Variants in DIPK1A observed in about 807,000 individuals in gnomAD.
DIPK1A encodes family with sequence similarity 69 member A.
Under a neutral mutation model 40.8 loss-of-function variants are expected in DIPK1A, and 27 were observed. The observed-to-expected ratio is 0.66, with a 90% CI of 0.49 to 0.91. The LOEUF (loss-of-function observed/expected upper bound fraction) is 0.91, where lower values mean the gene tolerates loss of function less well. DIPK1A is among the 40% of genes least tolerant of loss of function. DIPK1A has a pLI of 0.00. For synonymous variants in DIPK1A, 166 were observed against 171.3 expected (o/e 0.97, Z 0.24); for missense variants, 412 against 505.7 (o/e 0.81, Z 1.78).
intron 1 of DIPK1A, among the ~76,000 whole-genome samples, chr1:92,959,903 C>CATTT: frequency 2.1e-5 from 1 of 47,876 alleles, no homozygotes; most frequent in African/African-American, 1.1e-4. Context: ...ACCCAACCAA[C>CATTT]TTTTTTTTTT....
At chr1:92,850,239 G>T (rs1055743879) in intron 3 of DIPK1A, among the ~76,000 whole-genome samples, 5 of 152,084 alleles carry the variant, frequency 3.3e-5, no homozygotes, top group African/African-American at 1.2e-4. Context: ...CAAAGTGTTG[G>T]GATTACATGC....
Position 92,877,497 on chromosome 1 carries a change from C to T in DIPK1A, c.55-1067G>A, listed in dbSNP as rs147086498. ...AAGAGATGAGAGAGACATAAGCACACCTGCAGAAGACAATGAGTGCAAAGG... is the reference window on the plus strand; with the variant it reads ...AAGAGATGAGAGAGACATAAGCACATCTGCAGAAGACAATGAGTGCAAAGG... On this transcript the variant is annotated intron_variant, in intron 1 of 4. Coordinates refer to ENST00000370310, the MANE Select transcript of DIPK1A (RefSeq NM_001006605.5). Among the ~76,000 whole-genome samples the T allele has an allele frequency of 2.1e-3, 322 of 152,250 alleles. 3 individuals carry two copies. The highest frequency in any genetic ancestry group is 3.4e-3 in the Middle Eastern group (1 of 294).
chr1:92,880,795 G>A (rs145603701), intron 1 of DIPK1A, among the ~76,000 whole-genome samples: 190 of 152,164 alleles, frequency 1.2e-3, no homozygotes, highest in Middle Eastern at 6.8e-3. Flanking sequence ...GCTTGAACTC[G>A]GGAGGCAGAG....
At chr1:92,892,723 A>C (rs2100805142) in intron 1 of DIPK1A, among the ~76,000 whole-genome samples, 1 of 152,230 alleles carries the variant, frequency 6.6e-6, no homozygotes, top group South Asian at 2.1e-4. Flanking sequence ...AGGAAGTTCG[A>C]ACCCATGGCA....
At chr1:92,859,071 C>T (rs1378498886) in intron 2 of DIPK1A, among the ~76,000 whole-genome samples, 1 of 152,104 alleles carries the variant, frequency 6.6e-6, no homozygotes, top group Non-Finnish European at 1.5e-5. Flanking sequence ...TTGACGAAAC[C>T]CACCCGAGTT....
At chr1:92,951,048 T>C (rs1295677492) in intron 1 of DIPK1A, among the ~76,000 whole-genome samples, 2 of 152,206 alleles carry the variant, frequency 1.3e-5, no homozygotes, top group Non-Finnish European at 2.9e-5. Context: ...CTAATCCAAG[T>C]ACTGCTGTGA....
chr1:92,841,885 T>C (rs747781113), downstream of DIPK1A: 3 of 1,566,368 alleles, frequency 1.9e-6, no homozygotes, highest in East Asian at 6.7e-5. Context: ...TTTTCTATGA[T>C]TTTTTCAGAT....
chr1:92,953,362 A>G (rs772672984), intron 1 of DIPK1A, among the ~76,000 whole-genome samples: 9 of 152,220 alleles, frequency 5.9e-5, no homozygotes, highest in Non-Finnish European at 1.2e-4. Flanking sequence ...GTTGCTAAAA[A>G]AATTAAAAAT....
chr1:92,853,659 C>T (rs1339838946), intron 2 of DIPK1A, among the ~76,000 whole-genome samples: 2 of 152,210 alleles, frequency 1.3e-5, no homozygotes, highest in African/African-American at 4.8e-5. Flanking sequence ...AGTGCTCAGT[C>T]ATAGCTATTA....
chr1:92,840,728 C>G, downstream of DIPK1A: 1 of 920,726 alleles, frequency 1.1e-6, no homozygotes, highest in Non-Finnish European at 1.8e-6. Context: ...TGTGCAAACT[C>G]GATCACTAGC....
At chr1:92,937,317 GC>G (rs892865202) in intron 1 of DIPK1A, among the ~76,000 whole-genome samples, 2 of 151,786 alleles carry the variant, frequency 1.3e-5, no homozygotes, top group Non-Finnish European at 1.5e-5. Flanking sequence ...AAAAAAAATA[GC>G]CGGGCATGGT....
At chr1:92,835,939 C>T (rs1687106402) in intron 4 of DIPK1A, among the ~76,000 whole-genome samples, 1 of 151,860 alleles carries the variant, frequency 6.6e-6, no homozygotes, top group South Asian at 2.1e-4. Flanking sequence ...CTGCATAAGT[C>T]AAGTGTGGAC....
intron 1 of DIPK1A, among the ~76,000 whole-genome samples, chr1:92,940,700 A>G (rs960928372): frequency 4.6e-5 from 7 of 152,230 alleles, no homozygotes; most frequent in African/African-American, 4.8e-5. Flanking sequence ...ATTTTTCACC[A>G]TAAGTTTAAA....
chr1:92,908,578 G>A (rs1649714263), intron 1 of DIPK1A, among the ~76,000 whole-genome samples: 1 of 152,166 alleles, frequency 6.6e-6, no homozygotes, highest in Non-Finnish European at 1.5e-5. Flanking sequence ...TGAAGAGTAG[G>A]AGGTGTGATA....
chr1:92,877,596 T>C (rs1392438709), intron 1 of DIPK1A, among the ~76,000 whole-genome samples: 1 of 152,234 alleles, frequency 6.6e-6, no homozygotes, highest in African/African-American at 2.4e-5. Context: ...GGTTAACAGA[T>C]GGTGAATCCC....
intron 4 of DIPK1A, among the ~76,000 whole-genome samples, chr1:92,845,714 T>C (rs1408233943): frequency 6.6e-6 from 1 of 151,742 alleles, no homozygotes; most frequent in African/African-American, 2.4e-5. Context: ...CGGGTGCCTG[T>C]AATCCCAGCT....
chr1:92,926,553 C>G (rs758832174), intron 1 of DIPK1A, among the ~76,000 whole-genome samples: 12 of 152,162 alleles, frequency 7.9e-5, no homozygotes, highest in African/African-American at 1.2e-4. Context: ...TTAAGATCTT[C>G]TATATCTGTA....
intron 1 of DIPK1A, among the ~76,000 whole-genome samples, chr1:92,925,835 G>C (rs1460422410): frequency 6.6e-6 from 1 of 152,098 alleles, no homozygotes; most frequent in East Asian, 1.9e-4. Context: ...GTCAGTTTTG[G>C]AAAGCTGCAT....
intron 1 of DIPK1A, among the ~76,000 whole-genome samples, chr1:92,927,531 C>T (rs1003947819): frequency 6.6e-6 from 1 of 151,960 alleles, no homozygotes; most frequent in African/African-American, 2.4e-5. Flanking sequence ...AAAAAATATA[C>T]TCATAGGTTT....
Sources: gnomAD v4.1 joint callset for allele counts (sites outside exome capture counted in the v4.1 genomes callset) on GRCh38, gnomAD v4.1.1 for gene constraint, MANE v1.5 for transcripts, NCBI Gene and HGNC (gene_info 2026-07-23, HGNC 2026-07-21) for gene names.